The following SLC29A3 variants were observed in gnomAD, a reference collection of about 807,000 sequenced individuals.
SLC29A3 encodes solute carrier family 29 member 3, also known as equilibrative nucleoside transporter 3.
A neutral mutation model predicts 25.4 loss-of-function variants in SLC29A3; 18 were observed. That is an observed-to-expected ratio of 0.71 (90% confidence interval 0.49 to 1.05). The LOEUF is 1.05. Ranked by LOEUF, SLC29A3 falls within the 50% of genes least tolerant of loss-of-function variation. The pLI, the probability that SLC29A3 is intolerant of heterozygous loss-of-function variation, is 0.00. For missense variants in SLC29A3, 586 were observed against 609.0 expected, an observed-to-expected ratio of 0.96 and a Z score of 0.40; for synonymous variants, 258 against 267.1, an observed-to-expected ratio of 0.97 and a Z score of 0.33.
intron 1 of SLC29A3, chr10:71,319,597 GC>G (rs1166753494): frequency 2.7e-6 from 1 of 368,672 alleles, no homozygotes; most frequent in Non-Finnish European, 4.8e-6. Context: ...GGACCCGTCG[GC>G]CCGAAGTATC....
chr10:71,368,206 G>C (rs1227887100), downstream of SLC29A3, among the ~76,000 whole-genome samples: 1 of 151,900 alleles, frequency 6.6e-6, no homozygotes, highest in African/African-American at 2.4e-5. Context: ...CCCCAGCCTG[G>C]GCAACAGAGT....
chr10:71,362,045 A>G lies in SLC29A3; in HGVS notation c.865A>G (p.Arg289Gly). Reference sequence around the variant, plus strand: ...CCTCAGTGCCCCTTCGGTGGCCTCCAGATTCATTGATTCCCACACACCCCC... The same window carrying G: ...CCTCAGTGCCCCTTCGGTGGCCTCCGGATTCATTGATTCCCACACACCCCC... ...DSLSAPSVAS[R>G]FIDSHTPPLR... Residue 289 changes from arginine (R) to glycine (G), a missense_variant, in exon 6 of 6, where the codon AGA (arginine) becomes GGA (glycine). Physicochemically the swap from Arg to Gly is moderately radical, Grantham distance 125. Transcript: ENST00000373189. 6.2e-7 allele frequency: 1 copy of G among 1,614,078 alleles called. No individual in the cohort carries two copies. The highest frequency in any genetic ancestry group is 1.1e-5 in the South Asian group (1 of 91,066).
chr10:71,344,948 G>A (rs1422134649), intron 3 of SLC29A3, among the ~76,000 whole-genome samples: 8 of 152,268 alleles, frequency 5.3e-5, no homozygotes, highest in South Asian at 2.1e-4. Flanking sequence ...GCTGCTGTTC[G>A]CCATGGCCTA....
intron 2 of SLC29A3, among the ~76,000 whole-genome samples, chr10:71,340,284 C>G (rs1178703008): frequency 1.3e-5 from 2 of 152,208 alleles, no homozygotes; most frequent in Non-Finnish European, 2.9e-5. Flanking sequence ...GGCTTTTAGT[C>G]AGCTATGTAA....
intron 2 of SLC29A3, among the ~76,000 whole-genome samples, chr10:71,330,763 C>T (rs925763024): frequency 6.6e-6 from 1 of 152,216 alleles, no homozygotes; most frequent in Non-Finnish European, 1.5e-5. Flanking sequence ...TTACCATGTG[C>T]CAGGCACTGC....
chr10:71,347,179 G>T (rs1564535608), intron 3 of SLC29A3, among the ~76,000 whole-genome samples: 1 of 152,152 alleles, frequency 6.6e-6, no homozygotes, highest in Non-Finnish European at 1.5e-5. Context: ...GAGAACCGTG[G>T]CTTTCCCGAC....
At chr10:71,334,390 G>A (rs1315431710) in intron 2 of SLC29A3, among the ~76,000 whole-genome samples, 1 of 152,200 alleles carries the variant, frequency 6.6e-6, no homozygotes, top group Non-Finnish European at 1.5e-5. Context: ...CTAACCTCTG[G>A]ACTGGGAACA....
intron 1 of SLC29A3, among the ~76,000 whole-genome samples, chr10:71,320,508 C>A (rs1845824354): frequency 6.6e-6 from 1 of 152,164 alleles, no homozygotes; most frequent in Non-Finnish European, 1.5e-5. Context: ...CAGCCTCCTT[C>A]TTGCTGTGCC....
At chr10:71,355,068 G>A (rs765804296) in intron 4 of SLC29A3, among the ~76,000 whole-genome samples, 1 of 152,228 alleles carries the variant, frequency 6.6e-6, no homozygotes, top group Non-Finnish European at 1.5e-5. Flanking sequence ...GTCGTGGCGA[G>A]GCAGGGCATA....
intron 3 of SLC29A3, among the ~76,000 whole-genome samples, chr10:71,350,314 C>CGTGT (rs775651402): frequency 0.086 from 12,249 of 142,346 alleles, 583 homozygotes; most frequent in Admixed American, 0.11. Flanking sequence ...TTCACACCTA[C>CGTGT]GTGTGTGTGT....
rs541492422 is a variant in SLC29A3, at chr10:71,351,644, G to C, written c.466G>C (p.Asp156His). ...GGTGATAACTGCACTGGTGAAGGTG[G>C]ACACTTCCTCCTGGACCCGTGGCTT... ...FMVITALVKV[D>H]TSSWTRGFFA... Residue 156 changes from aspartate (D) to histidine (H), a missense_variant, in exon 4 of 6, where the codon GAC becomes CAC. Transcript: ENST00000373189. 15 of 1,614,192 alleles carry C rather than the reference G, an allele frequency of 9.3e-6. No homozygotes were observed. The South Asian group carries it at 1.6e-4, about 18-fold the overall frequency.
At chr10:71,357,124 G>A (rs1040426427) in intron 5 of SLC29A3, among the ~76,000 whole-genome samples, 2 of 151,578 alleles carry the variant, frequency 1.3e-5, no homozygotes, top group Non-Finnish European at 2.9e-5. Context: ...TTTTAAAAAA[G>A]TTTTTGTAGG....
chr10:71,366,601 CA>C (rs1390064073), downstream of SLC29A3, among the ~76,000 whole-genome samples: 1 of 152,110 alleles, frequency 6.6e-6, no homozygotes, highest in African/African-American at 2.4e-5. Context: ...AAACTTCAAC[CA>C]GGGGTGGTAT....
intron 3 of SLC29A3, among the ~76,000 whole-genome samples, chr10:71,348,380 C>T (rs1169631558): frequency 2.0e-5 from 3 of 152,232 alleles, no homozygotes; most frequent in East Asian, 1.9e-4. Flanking sequence ...TTAATATTAT[C>T]GGGTCTAGCT....
chr10:71,336,358 G>A (rs756058169), intron 2 of SLC29A3, among the ~76,000 whole-genome samples: 5 of 152,050 alleles, frequency 3.3e-5, no homozygotes, highest in East Asian at 3.9e-4. Flanking sequence ...CCCTCTAGAC[G>A]GGGTAGCATG....
In SLC29A3 at chr10:71,360,587, A is replaced by G. The variant is rs138382444; in HGVS notation, c.774-1367A>G. Among the ~76,000 whole-genome samples the G allele has an allele frequency of 8.8e-3, 1,334 of 152,374 alleles. 15 individuals carry two copies. Among genetic ancestry groups the G allele is most frequent in the African/African-American group, 0.03 (1,257 of 41,584 alleles). On this transcript the variant is annotated intron_variant, in intron 5 of 5. Coordinates refer to ENST00000373189, the MANE Select transcript of SLC29A3 (RefSeq NM_018344.6). The stretch of plus-strand genomic sequence containing the variant: ...TTAGGGTGGGTAAATGGTGCTGGGC[A>G]GAGTTAAACTGGTAGTACCTATTAG...
chr10:71,358,749 C>G (rs1357433901), intron 5 of SLC29A3, among the ~76,000 whole-genome samples: 1 of 152,164 alleles, frequency 6.6e-6, no homozygotes, highest in African/African-American at 2.4e-5. Context: ...GCTCCCAGGA[C>G]AAGGGACTGT....
At chr10:71,344,634 G>C (rs1254630019) in intron 3 of SLC29A3, among the ~76,000 whole-genome samples, 1 of 152,222 alleles carries the variant, frequency 6.6e-6, no homozygotes, top group Non-Finnish European at 1.5e-5. Flanking sequence ...TCACCTGACT[G>C]TTCAGTGCTA....
rs149876239 is a variant in SLC29A3, at chr10:71,362,152, C to A, written c.972C>A (p.Pro324=). The A allele has an allele frequency of 1.9e-6, 3 of 1,613,976 alleles. No homozygotes were observed. The African/African-American group carries it at 4.0e-5, about 22-fold the overall frequency. ...YVFFITSLIY[P]AICTNIESLN... ...TCTTCATCACCAGCCTCATCTACCC[C>A]GCCATCTGCACCAACATCGAGTCCC... Residue 324 remains proline, a synonymous_variant, in exon 6 of 6, where the codon CCC becomes CCA. Transcript: ENST00000373189.
Sources: allele counts gnomAD v4.1 joint callset (sites outside exome capture counted in the v4.1 genomes callset), GRCh38; gene constraint gnomAD v4.1.1; transcripts MANE v1.5; gene names NCBI Gene and HGNC (gene_info 2026-07-23, HGNC 2026-07-21).